PIGS: variants seen among roughly 807,000 people sequenced by gnomAD.
PIGS encodes the protein phosphatidylinositol glycan anchor biosynthesis class S, also known as GPI-anchor transamidase component PIGS.
A neutral mutation model predicts 58.2 loss-of-function variants in PIGS; 37 were observed. The ratio of observed to expected loss-of-function variants is 0.64; its 90% CI spans 0.49 to 0.84. The LOEUF is 0.84. Among genes scored for constraint, PIGS ranks in the 40% least tolerant of loss-of-function variants. The probability of loss-of-function intolerance (pLI) is 0.00; values close to 1 mark genes in which losing one functional copy is unlikely to be tolerated. For missense variants in PIGS, 629 were observed against 710.8 expected (o/e 0.88, Z 1.31); for synonymous variants, 269 against 289.2 (o/e 0.93, Z 0.71).
chr17:28,561,725 A>G (rs2070366017), intron 5 of PIGS, 96 bp from the exon 6 acceptor site: 6 of 1,256,036 alleles, frequency 4.8e-6, no homozygotes, highest in South Asian at 4.3e-5. Context: ...CCCTTTGCCA[A>G]TGACCAACAG....
chr17:28,563,661 TG>T, intron 4 of PIGS, 139 bp from the exon 5 acceptor site: 1 of 1,169,408 alleles, frequency 8.6e-7, no homozygotes, highest in Non-Finnish European at 1.3e-6. Flanking sequence ...TCAACCTCTC[TG>T]GCCCTCAGTG....
chr17:28,558,582 G>A lies in PIGS; in HGVS notation c.828C>T (p.Tyr276=). ...GNFSVDSQIL[Y]YAMLGVNPRF... Reference sequence around the variant, plus strand: ...GGGGATTCACCCCCAACATTGCATAGTAAAGAATCTGTAGAGCAAACAGGG... The same window carrying A: ...GGGGATTCACCCCCAACATTGCATAATAAAGAATCTGTAGAGCAAACAGGG... Residue 276 remains tyrosine (Y), a synonymous_variant, in exon 8 of 12, where the codon TAC becomes TAT. Transcript: ENST00000308360. 6.2e-7 allele frequency: 1 copy of A among 1,608,518 alleles called. No homozygotes were observed. The highest frequency in any genetic ancestry group is 8.5e-7 in the Non-Finnish European group (1 of 1,176,890).
At chr17:28,562,637 T>C (rs560476091) in intron 5 of PIGS, among the ~76,000 whole-genome samples, 51 of 152,204 alleles carry the variant, frequency 3.4e-4, no homozygotes, top group Admixed American at 9.1e-4. Context: ...TTTCACCATG[T>C]TGACCAGGCT....
intron 7 of PIGS, among the ~76,000 whole-genome samples, chr17:28,559,449 G>C (rs1042869494): frequency 2.6e-5 from 4 of 151,104 alleles, no homozygotes; most frequent in Non-Finnish European, 4.4e-5. Flanking sequence ...CCTGGCCAAC[G>C]TGGTGAAACC....
chr17:28,566,614 G>A (rs1323336569), intron 3 of PIGS, among the ~76,000 whole-genome samples: 1 of 131,130 alleles, frequency 7.6e-6, no homozygotes, highest in Non-Finnish European at 1.6e-5. Flanking sequence ...TTTTTTTTGA[G>A]ACAGAGTCTC....
rs1338128607 is a variant in PIGS at position 28,570,852 on chromosome 17, A to C, written c.286T>G (p.Tyr96Asp). 3 of 1,614,000 alleles carry C rather than the reference A, an allele frequency of 1.9e-6. No individual in the cohort carries two copies. Among genetic ancestry groups the C allele is most frequent in the Non-Finnish European group, 2.5e-6 (3 of 1,180,004 alleles). ...GCAGCCCTGATCCCCAGTAACTCAC[A>C]TTTCAGAGGAATCTCTCTTTCATGC... is the stretch of plus-strand genomic sequence containing the variant. ...VVHEREIPLK[Y>D]KMKIKCRFQK... The change falls in exon 3 of 12, where the codon TAC becomes GAC. Residue 96 changes from tyrosine (Y) to aspartate (D), a missense_variant and splice_region_variant. Coordinates refer to ENST00000308360, the MANE Select transcript of PIGS (RefSeq NM_033198.4).
rs760689098 is a variant in PIGS at position 28,563,887 on chromosome 17, G to A, written c.307C>T (p.Arg103Cys). The A allele has an allele frequency of 2.2e-5, 35 of 1,613,860 alleles. No individual in the cohort carries two copies. Among genetic ancestry groups the A allele is most frequent in the Non-Finnish European group, 2.4e-5 (28 of 1,179,902 alleles). The change falls in exon 4 of 12, where the codon CGT (arginine) becomes TGT (cysteine). Residue 103 changes from arginine (R) to cysteine (C), a missense_variant. Transcript: ENST00000308360. ...GCCCTCCGATAGGCCTTCTGGAAACGGCATTTGATTTTCATTTTGTCTGGG... is the reference window on the plus strand; with the variant it reads ...GCCCTCCGATAGGCCTTCTGGAAACAGCATTTGATTTTCATTTTGTCTGGG... ...PLKYKMKIKC[R>C]FQKAYRRALD... is the part of the protein sequence containing the mutation.
intron 3 of PIGS, among the ~76,000 whole-genome samples, chr17:28,564,865 C>T (rs1409347175): frequency 1.3e-5 from 2 of 152,028 alleles, no homozygotes; most frequent in Middle Eastern, 3.2e-3. Flanking sequence ...GGTAATAGAA[C>T]CAGACCTTGT....
At chr17:28,568,833 C>T (rs545716515) in intron 3 of PIGS, among the ~76,000 whole-genome samples, 6 of 152,324 alleles carry the variant, frequency 3.9e-5, no homozygotes, top group African/African-American at 9.6e-5. Context: ...TGGTGGCTCA[C>T]GCCTGTAATC....
At chr17:28,564,103 G>A (rs546972208) in intron 3 of PIGS, among the ~76,000 whole-genome samples, 196 bp from the exon 4 acceptor site, 31 of 152,184 alleles carry the variant, frequency 2.0e-4, no homozygotes, top group Middle Eastern at 3.2e-3. Flanking sequence ...CCCATCTGCC[G>A]CAGCTCTTGC....
At chr17:28,569,140 T>C (rs571462123) in intron 3 of PIGS, among the ~76,000 whole-genome samples, 4 of 149,250 alleles carry the variant, frequency 2.7e-5, no homozygotes, top group South Asian at 2.1e-4. Flanking sequence ...AGTTTGTGTG[T>C]GTACAGAGGC....
intron 5 of PIGS, among the ~76,000 whole-genome samples, chr17:28,562,772 C>T: frequency 6.6e-6 from 1 of 151,610 alleles, no homozygotes; most frequent in East Asian, 1.9e-4. Context: ...AGTGCAATGG[C>T]ATGATATTAG....
Position 28,563,449 on chromosome 17 carries a change from G to A in PIGS, c.450C>T (p.His150=), listed in dbSNP as rs2070376144. 6.2e-7 allele frequency: 1 copy of A among 1,614,100 alleles called. No homozygotes were observed. Among genetic ancestry groups the A allele is most frequent in the Non-Finnish European group, 8.5e-7 (1 of 1,179,956 alleles). The change falls in exon 5 of 12, where the codon CAC becomes CAT. Residue 150 remains histidine (H), a synonymous_variant. Transcript: ENST00000308360. ...ACCTTACCTGGGGAAGAAGTGAGGA[G>A]TGTTCAGATATCACGTACACAGTCA... ...GSLTVYVISE[H]SSLLPQDMMS... is the part of the protein sequence containing the mutation.
At chr17:28,569,679 T>C (rs1337446268) in intron 3 of PIGS, among the ~76,000 whole-genome samples, 1 of 152,128 alleles carries the variant, frequency 6.6e-6, no homozygotes, top group Non-Finnish European at 1.5e-5. Context: ...CACAGGAGTA[T>C]AGTTTGTTGG....
rs748478943 is a variant in PIGS, at chr17:28,563,556, A to G, written c.377-34T>C. ...AAGAACAGGTGGTACACCAAGAGCA[A>G]AACACCATTCCATCTCCCCCCAGCC... On this transcript the variant is annotated intron_variant, in intron 4 of 11. Coordinates refer to ENST00000308360, the MANE Select transcript of PIGS (RefSeq NM_033198.4). 4.4e-6 allele frequency: 7 copies of G among 1,581,180 alleles called. No individual in the cohort carries two copies. The South Asian group carries it at 7.7e-5, about 17-fold the overall frequency.
intron 8 of PIGS, among the ~76,000 whole-genome samples, chr17:28,557,805 A>C (rs1479440531): frequency 6.6e-6 from 1 of 152,254 alleles, no homozygotes; most frequent in Admixed American, 6.5e-5. Flanking sequence ...ATTCAACCTC[A>C]ATCAGCAGAA....
In PIGS at chr17:28,554,184, C is replaced by T. The variant is rs760497061; in HGVS notation, c.*36G>A. On this transcript the variant is annotated 3_prime_UTR_variant, in exon 12 of 12. Transcript: ENST00000308360. ...ACAATCTAACACCGCCCACCTTGGC[C>T]AGAAAGGAAGGCTTCCTATGGAGGT... 3 of 1,606,386 alleles carry T rather than the reference C, an allele frequency of 1.9e-6. No individual in the cohort carries two copies. In the East Asian group the frequency reaches 6.7e-5, roughly 36 times the overall value.
At chr17:28,571,350 G>A (rs773456994) in intron 1 of PIGS, 113 bp downstream of exon 1, 7 of 1,532,302 alleles carry the variant, frequency 4.6e-6, no homozygotes, top group Non-Finnish European at 6.2e-6. Context: ...CTCGTCTGAA[G>A]AGACCCCCGA....
intron 8 of PIGS, among the ~76,000 whole-genome samples, chr17:28,557,911 C>T (rs1265784550): frequency 6.6e-6 from 1 of 152,194 alleles, no homozygotes; most frequent in South Asian, 2.1e-4. Context: ...GAGATAGACC[C>T]AGCCTAGTCA....
Sources: allele counts gnomAD v4.1 joint callset (sites outside exome capture counted in the v4.1 genomes callset), GRCh38; gene constraint gnomAD v4.1.1; transcripts MANE v1.5; gene names NCBI Gene and HGNC (gene_info 2026-07-23, HGNC 2026-07-21).